SLCO1B1: variants seen among roughly 807,000 people sequenced by gnomAD.
The protein encoded by SLCO1B1 is OATP-2.
A neutral mutation model predicts 70.1 loss-of-function variants in SLCO1B1; 81 were observed. That is an observed-to-expected ratio of 1.16 (90% CI 0.97 to 1.39). The LOEUF (loss-of-function observed/expected upper bound fraction) is 1.39, where lower values mean the gene tolerates loss of function less well. SLCO1B1 is among the 40% of genes most tolerant of loss of function. SLCO1B1 has a pLI of 0.00. For synonymous variants in SLCO1B1, 283 were observed against 271.5 expected (o/e 1.04, Z -0.42); for missense variants, 895 against 799.6 (o/e 1.12, Z -1.44).
intron 8 of SLCO1B1, among the ~76,000 whole-genome samples, chr12:21,198,416 A>G (rs900220519): frequency 6.6e-6 from 1 of 152,148 alleles, no homozygotes; most frequent in African/African-American, 2.4e-5. Flanking sequence ...TTCATTTTGT[A>G]TATGATGTTT....
intron 11 of SLCO1B1, among the ~76,000 whole-genome samples, chr12:21,207,073 A>G (rs1941223361): frequency 6.6e-6 from 1 of 151,970 alleles, no homozygotes; most frequent in African/African-American, 2.4e-5. Flanking sequence ...GCAACAATGA[A>G]TCTTTTGTGC....
At chr12:21,216,910 C>T (rs1037812691) in intron 11 of SLCO1B1, among the ~76,000 whole-genome samples, 1 of 152,126 alleles carries the variant, frequency 6.6e-6, no homozygotes. Flanking sequence ...AACTAAATGT[C>T]AATCATGAAT....
intron 14 of SLCO1B1, among the ~76,000 whole-genome samples, chr12:21,236,623 G>A (rs1490335404): frequency 6.6e-6 from 1 of 152,180 alleles, no homozygotes; most frequent in Non-Finnish European, 1.5e-5. Flanking sequence ...GGGGAGCAGA[G>A]AAGCACTTTC....
chr12:21,233,410 G>A (rs1273873729), intron 14 of SLCO1B1, among the ~76,000 whole-genome samples: 3 of 151,972 alleles, frequency 2.0e-5, no homozygotes, highest in East Asian at 1.9e-4. Flanking sequence ...CAAGAATTCC[G>A]AGTCTTCCTC....
At chr12:21,165,425 G>A (rs2121085621) in intron 2 of SLCO1B1, among the ~76,000 whole-genome samples, 1 of 152,180 alleles carries the variant, frequency 6.6e-6, no homozygotes, top group East Asian at 1.9e-4. Context: ...TCCAAGGCAA[G>A]ACATATGCTC....
At chr12:21,162,519 T>C (rs1234971428) in intron 2 of SLCO1B1, among the ~76,000 whole-genome samples, 1 of 152,038 alleles carries the variant, frequency 6.6e-6, no homozygotes, top group African/African-American at 2.4e-5. Context: ...AGTAAGGAGG[T>C]GGCATTAAGC....
At position 21,202,653 on chromosome 12, in the gene SLCO1B1, A is replaced by G. The variant is rs772057264; in HGVS notation, c.1298A>G (p.Lys433Arg). ...LLYFFILCEN[K>R]SVAGLTMTYD... is the part of the protein sequence containing the mutation. Reference sequence around the variant, plus strand: ...TATTTTTTCATACTCTGTGAAAACAAATCAGTTGCCGGACTAACCATGACC... The same window carrying G: ...TATTTTTTCATACTCTGTGAAAACAGATCAGTTGCCGGACTAACCATGACC... Residue 433 changes from lysine (K) to arginine (R), a missense_variant, in exon 10 of 15, where the codon AAA becomes AGA. Transcript: ENST00000256958. The G allele has an allele frequency of 4.3e-6, 7 of 1,612,612 alleles. No individual in the cohort carries two copies. Among genetic ancestry groups the G allele is most frequent in the Middle Eastern group, 1.7e-4 (1 of 6,052 alleles).
intron 13 of SLCO1B1, among the ~76,000 whole-genome samples, chr12:21,222,828 A>G (rs1284603976): frequency 1.3e-5 from 2 of 152,162 alleles, no homozygotes; most frequent in African/African-American, 4.8e-5. Context: ...ATCTGGTCAG[A>G]GAATCTGGCC....
At chr12:21,214,838 C>G (rs540704921) in intron 11 of SLCO1B1, among the ~76,000 whole-genome samples, 1 of 152,068 alleles carries the variant, frequency 6.6e-6, no homozygotes, top group Non-Finnish European at 1.5e-5. Flanking sequence ...AGGTGCTGTC[C>G]GTCACCCCTT....
intron 4 of SLCO1B1, among the ~76,000 whole-genome samples, chr12:21,175,957 A>G (rs965867671): frequency 1.3e-5 from 2 of 152,078 alleles, no homozygotes; most frequent in African/African-American, 2.4e-5. Flanking sequence ...TGGTATTTCT[A>G]CAGCCTTGAA....
chr12:21,208,322 G>A (rs1177591500), intron 11 of SLCO1B1, among the ~76,000 whole-genome samples: 1 of 152,004 alleles, frequency 6.6e-6, no homozygotes, highest in Non-Finnish European at 1.5e-5. Flanking sequence ...TGAAAAGAAG[G>A]GGTCCAGTTT....
At chr12:21,132,893 A>G (rs1275431616) in intron 1 of SLCO1B1, among the ~76,000 whole-genome samples, 3 of 152,124 alleles carry the variant, frequency 2.0e-5, no homozygotes, top group Admixed American at 6.5e-5. Context: ...TGTTTTAGAC[A>G]TGAAGTCCTT....
chr12:21,151,378 G>A (rs1021705174), intron 2 of SLCO1B1, among the ~76,000 whole-genome samples: 6 of 152,006 alleles, frequency 3.9e-5, no homozygotes, highest in African/African-American at 1.2e-4. Context: ...CCACTTTCAC[G>A]TGACGTCATA....
chr12:21,178,931 A>G lies in SLCO1B1; in HGVS notation c.638A>G (p.Asn213Ser), dbSNP rs372477451. The G allele has an allele frequency of 8.4e-5, 135 of 1,608,160 alleles. No homozygotes were observed. Among genetic ancestry groups the G allele is most frequent in the Non-Finnish European group, 1.1e-4 (128 of 1,175,284 alleles). ...GHSSLYLGIL[N>S]AIAMIGPIIG... ...TTTATAATATTTTCAGGTATATTGA[A>G]TGCAATAGCAATGATTGGTCCAATC... Residue 213 changes from asparagine (N) to serine (S), a missense_variant, in exon 7 of 15, where the codon AAT (asparagine) becomes AGT (serine). Physicochemically the swap from Asn to Ser is conservative, Grantham distance 46 (BLOSUM62 1). Transcript: ENST00000256958.
rs1297946144 is a variant in SLCO1B1 at position 21,239,481 on chromosome 12, T to A, written c.*292T>A. Among the ~76,000 whole-genome samples the A allele has an allele frequency of 6.6e-6, 1 of 152,154 alleles. No individual in the cohort carries two copies. The highest frequency in any genetic ancestry group is 2.4e-5 in the African/African-American group (1 of 41,434). ...TGTGTAATAAAAGAAAAAATACTTG[T>A]TCAGGTAATTCTAATTCTTAATAAA... On this transcript the variant is annotated 3_prime_UTR_variant, in exon 15 of 15. Coordinates refer to ENST00000256958, the MANE Select transcript of SLCO1B1 (RefSeq NM_006446.5).
chr12:21,193,457 C>A (rs1941054389), intron 7 of SLCO1B1, among the ~76,000 whole-genome samples: 1 of 152,104 alleles, frequency 6.6e-6, no homozygotes, highest in African/African-American at 2.4e-5. Flanking sequence ...CTTTTCAGTT[C>A]TGTCCATGTT....
chr12:21,140,198 A>G (rs1199995390), intron 1 of SLCO1B1, among the ~76,000 whole-genome samples: 2 of 152,104 alleles, frequency 1.3e-5, no homozygotes, highest in South Asian at 4.1e-4. Context: ...TTTATAAAAC[A>G]TAACTACTGC....
At chr12:21,232,314 G>A (rs10841766) in intron 14 of SLCO1B1, among the ~76,000 whole-genome samples, 21,031 of 152,110 alleles carry the variant, frequency 0.14, 1,729 homozygotes, top group Non-Finnish European at 0.18. Flanking sequence ...TTAACTGCTC[G>A]AGATAATTTT....
chr12:21,184,207 A>G (rs978808214), intron 7 of SLCO1B1, among the ~76,000 whole-genome samples: 2 of 152,204 alleles, frequency 1.3e-5, no homozygotes, highest in African/African-American at 4.8e-5. Flanking sequence ...AATATCCTCA[A>G]ACTTGCTAGA....
Sources: gnomAD v4.1 joint callset for allele counts (sites outside exome capture counted in the v4.1 genomes callset) on GRCh38, gnomAD v4.1.1 for gene constraint, MANE v1.5 for transcripts, NCBI Gene and HGNC (gene_info 2026-07-23, HGNC 2026-07-21) for gene names.